STAC2: variants seen among roughly 807,000 people sequenced by gnomAD.
STAC2 encodes the protein SH3 and cysteine-rich domain-containing protein 2.
STAC2 carries 36 observed loss-of-function variants against 49.0 expected under a neutral mutation model. The observed-to-expected ratio is 0.74, with a 90% CI of 0.56 to 0.97. The LOEUF (loss-of-function observed/expected upper bound fraction) is 0.97. STAC2 is among the 50% of genes least tolerant of loss of function. STAC2 has a pLI of 0.00. For missense variants in STAC2, 527 were observed against 543.8 expected, an observed-to-expected ratio of 0.97 and a Z score of 0.31; for synonymous variants, 239 against 214.7, an observed-to-expected ratio of 1.11 and a Z score of -0.99.
At chr17:39,222,425 G>C (rs2046472010) in intron 1 of STAC2, among the ~76,000 whole-genome samples, 1 of 152,216 alleles carries the variant, frequency 6.6e-6, no homozygotes, top group East Asian at 1.9e-4. Flanking sequence ...CACCTGGGGT[G>C]GCTGGCAGAG....
intron 1 of STAC2, among the ~76,000 whole-genome samples, chr17:39,219,372 C>T (rs1453804041): frequency 2.0e-5 from 3 of 152,126 alleles, no homozygotes; most frequent in Non-Finnish European, 4.4e-5. Context: ...TGCCAATATG[C>T]TTCCACTGGT....
At position 39,225,688 on chromosome 17, in the gene STAC2, G is replaced by A. The variant is rs1028953603; in HGVS notation, c.-186C>T. 2.8e-5 allele frequency: 18 copies of A among 637,468 alleles called. No homozygotes were observed. Among genetic ancestry groups the A allele is most frequent in the African/African-American group, 2.8e-4 (15 of 53,278 alleles). 39.5% of individuals were successfully genotyped at this position (637,468 alleles called of 1,614,324 possible). A position where few individuals can be genotyped will look rare whatever the true frequency, so the allele number is the denominator to read the frequency against. On this transcript the variant is annotated 5_prime_UTR_variant, in exon 1 of 11. Coordinates refer to ENST00000333461, the MANE Select transcript of STAC2 (RefSeq NM_198993.5). This position sits in a 1 kb window ranked among gnomAD's most constrained non-coding sequence, Gnocchi z 8.2. The stretch of plus-strand genomic sequence containing the variant: ...AGAAAGTTGCCGGGGTGGCGGGCGA[G>A]GGGAGGCCACCACGCTGAGCCGCAG...
chr17:39,214,740 T>C, intron 7 of STAC2, 51 bp downstream of exon 7: 3 of 1,595,948 alleles, frequency 1.9e-6, no homozygotes, highest in Non-Finnish European at 2.6e-6. Context: ...AAGGAGAAAT[T>C]ACACCCGCTT....
chr17:39,224,048 C>A (rs2046486854), intron 1 of STAC2, among the ~76,000 whole-genome samples: 1 of 152,172 alleles, frequency 6.6e-6, no homozygotes, highest in South Asian at 2.1e-4. Flanking sequence ...GCTGGGTCCC[C>A]TGGTGCAGGA....
In STAC2 at chr17:39,216,873, A is replaced by T. The variant is rs1346437811; in HGVS notation, c.523T>A (p.Ser175Thr). ...GGCGGCTCATGCACCAGGAGAGGGGAACTGAAGTTGCGGCGGAAGGAGGTG... is the reference window on the plus strand; with the variant it reads ...GGCGGCTCATGCACCAGGAGAGGGGTACTGAAGTTGCGGCGGAAGGAGGTG... ...TSTSFRRNFS[S>T]PLLVHEPPPV... The change falls in exon 4 of 11, where the codon TCC becomes ACC. Residue 175 changes from serine to threonine, a missense_variant. Coordinates refer to ENST00000333461, the MANE Select transcript of STAC2 (RefSeq NM_198993.5). 2 of 1,604,746 alleles carry T rather than the reference A, an allele frequency of 1.2e-6. No homozygotes were observed. The highest frequency in any genetic ancestry group is 3.4e-5 in the Admixed American group (2 of 58,430).
intron 4 of STAC2, among the ~76,000 whole-genome samples, chr17:39,216,293 T>A (rs1430780888): frequency 1.3e-5 from 2 of 152,160 alleles, no homozygotes; most frequent in African/African-American, 4.8e-5. Flanking sequence ...TCAGCACACA[T>A]TCTATGCTCT....
At position 39,220,791 on chromosome 17, in the gene STAC2, T is replaced by C. The variant is rs1180078998; in HGVS notation, c.91-2618A>G. 2.7e-5 allele frequency among the ~76,000 whole-genome samples: 4 copies of C among 147,090 alleles called. No individual in the cohort carries two copies. In the Admixed American group the frequency reaches 2.7e-4, roughly 10 times the overall value. On this transcript the variant is annotated intron_variant, in intron 1 of 10. Coordinates refer to ENST00000333461, the MANE Select transcript of STAC2 (RefSeq NM_198993.5). The stretch of plus-strand genomic sequence containing the variant: ...CCGGCCTATCATTTTTATTTTTTAT[T>C]TTACTTATTTATTTATTTATTTTGA...
At chr17:39,217,441 G>A (rs2046415841) in intron 2 of STAC2, among the ~76,000 whole-genome samples, 1 of 152,120 alleles carries the variant, frequency 6.6e-6, no homozygotes, top group African/African-American at 2.4e-5. Context: ...GGCACAGTTG[G>A]GGGTGGGTGC....
chr17:39,214,803 A>G lies in STAC2; in HGVS notation c.831T>C (p.Ser277=), dbSNP rs748000560. The part of the protein sequence containing the change: ...ESEGPGPEEK[S]PGQQLPKATL... ...AGTACAGGCTCACCTGCTGTCCAGGACTCTTCTCCTCTGGTCCTGGCCCTT... is the reference window on the plus strand; with the variant it reads ...AGTACAGGCTCACCTGCTGTCCAGGGCTCTTCTCCTCTGGTCCTGGCCCTT... Residue 277 remains serine, a synonymous_variant, in exon 7 of 11, where the codon AGT becomes AGC. Transcript: ENST00000333461. 4 of 1,613,188 alleles carry G rather than the reference A, an allele frequency of 2.5e-6. No individual in the cohort carries two copies. The highest frequency in any genetic ancestry group is 3.4e-6 in the Non-Finnish European group (4 of 1,179,820).
At chr17:39,220,321 C>T (rs1271361217) in intron 1 of STAC2, among the ~76,000 whole-genome samples, 1 of 152,208 alleles carries the variant, frequency 6.6e-6, no homozygotes, top group Non-Finnish European at 1.5e-5. Flanking sequence ...GGTGAACCGT[C>T]CACTGTTCTG....
intron 2 of STAC2, 120 bp downstream of exon 2, chr17:39,217,747 A>C: frequency 3.0e-6 from 3 of 1,011,018 alleles, no homozygotes; most frequent in Non-Finnish European, 4.3e-6. Flanking sequence ...GCACAGAGGC[A>C]CAATTAGTAT....
At chr17:39,218,671 C>A (rs1286543888) in intron 1 of STAC2, among the ~76,000 whole-genome samples, 2 of 151,982 alleles carry the variant, frequency 1.3e-5, no homozygotes, top group Non-Finnish European at 2.9e-5. Flanking sequence ...TCATTCCATA[C>A]CCATACATAA....
Position 39,225,870 on chromosome 17 carries a change from C to T in STAC2, c.-368G>A. ...TCCGCCGTCCGCTGCGCCCGCCCCC[C>T]ATCCCCTCCCCTCCCCCGCCGGCCC... On this transcript the variant is annotated 5_prime_UTR_variant, in exon 1 of 11. The change abolishes an upstream ATG in the 5' untranslated region. Transcript: ENST00000333461. The surrounding 1 kb of genome is among the most constrained non-coding windows in gnomAD (Gnocchi z 8.2). 1 of 250,902 alleles carries T rather than the reference C, an allele frequency of 4.0e-6. No individual in the cohort carries two copies. The highest frequency in any genetic ancestry group is 7.7e-6 in the Non-Finnish European group (1 of 129,318). 15.5% of individuals were successfully genotyped at this position (250,902 alleles called of 1,614,324 possible).
intron 1 of STAC2, among the ~76,000 whole-genome samples, chr17:39,220,705 C>T (rs1332868620): frequency 6.6e-6 from 1 of 152,170 alleles, no homozygotes; most frequent in Non-Finnish European, 1.5e-5. Flanking sequence ...ATCTCCTGAC[C>T]TCGTGATTTG....
intron 1 of STAC2, among the ~76,000 whole-genome samples, chr17:39,220,732 A>G (rs1487933207): frequency 1.3e-5 from 2 of 151,846 alleles, no homozygotes; most frequent in Admixed American, 6.6e-5. Flanking sequence ...TCGGCCTCCC[A>G]AAGTGTTGGG....
rs1301826694 is a variant in STAC2, at chr17:39,214,239, G to A, written c.935C>T (p.Ala312Val). ...GGTCACAAAGAGGACTTACTGCAGA[G>A]CCAGATCATTGTTCTCCTGGGGCAG... is the stretch of plus-strand genomic sequence containing the variant. ...KFLPQENNDL[A>V]LQPGDRIMLV... Residue 312 changes from alanine (A) to valine (V), a missense_variant, in exon 8 of 11, where the codon GCT becomes GTT. Ala to Val is a moderately conservative substitution (Grantham distance 64). Coordinates refer to ENST00000333461, the MANE Select transcript of STAC2 (RefSeq NM_198993.5). 1.9e-6 allele frequency: 3 copies of A among 1,613,938 alleles called. No homozygotes were observed. Among genetic ancestry groups the A allele is most frequent in the Non-Finnish European group, 2.5e-6 (3 of 1,179,892 alleles).
At position 39,214,294 on chromosome 17, in the gene STAC2, T is replaced by C. The variant is rs1462923171; in HGVS notation, c.880A>G (p.Met294Val). 6.2e-7 allele frequency: 1 copy of C among 1,614,050 alleles called. No individual in the cohort carries two copies. Among genetic ancestry groups the C allele is most frequent in the Non-Finnish European group, 8.5e-7 (1 of 1,179,966 alleles). The change falls in exon 8 of 11, where the codon ATG (methionine) becomes GTG (valine). Residue 294 changes from methionine to valine, a missense_variant. By Grantham distance (21) the Met-to-Val change is conservative. Coordinates refer to ENST00000333461, the MANE Select transcript of STAC2 (RefSeq NM_198993.5). ...TTGTAGAGTGCAACGTAGGAGTACA[T>C]GGGCCCCACATCCTTCCGCAGGGTG... is the stretch of plus-strand genomic sequence containing the variant. The part of the protein sequence containing the change: ...KATLRKDVGP[M>V]YSYVALYKFL...
In STAC2 at chr17:39,215,170, A is replaced by G. The variant is rs1349340391; in HGVS notation, c.647T>C (p.Leu216Pro). ...GCTGCTGAAACTGGAGCGGTTCATCAGTGCCAGGGAGGTGCCATAGCGCAG... is the reference window on the plus strand; with the variant it reads ...GCTGCTGAAACTGGAGCGGTTCATCGGTGCCAGGGAGGTGCCATAGCGCAG... ...ETLRYGTSLA[L>P]MNRSSFSSTS... Residue 216 changes from leucine (L) to proline (P), a missense_variant, in exon 5 of 11, where the codon CTG becomes CCG. Physicochemically the swap from Leu to Pro is moderately conservative, Grantham distance 98. Transcript: ENST00000333461. The G allele has an allele frequency of 6.2e-7, 1 of 1,614,014 alleles. No homozygotes were observed. The highest frequency in any genetic ancestry group is 8.5e-7 in the Non-Finnish European group (1 of 1,179,986).
At chr17:39,218,344 G>A (rs944714786) in intron 1 of STAC2, among the ~76,000 whole-genome samples, 171 bp from the exon 2 acceptor site, 3 of 151,734 alleles carry the variant, frequency 2.0e-5, no homozygotes, top group Admixed American at 6.5e-5. Flanking sequence ...CCCAGGTCCC[G>A]ACGACACTTC....
Sources: allele counts gnomAD v4.1 joint callset (sites outside exome capture counted in the v4.1 genomes callset), GRCh38; gene constraint gnomAD v4.1.1; non-coding constraint Gnocchi (gnomAD v3.1); transcripts MANE v1.5; gene names NCBI Gene and HGNC (gene_info 2026-07-23, HGNC 2026-07-21).